Variants in GRIN2A observed in about 807,000 individuals in gnomAD.
GRIN2A encodes glutamate ionotropic receptor NMDA type subunit 2A.
In GRIN2A, 22 loss-of-function variants were observed where a neutral mutation model predicts 113.4. The ratio of observed to expected loss-of-function variants is 0.19; its 90% CI spans 0.14 to 0.28. The LOEUF is 0.28. GRIN2A is among the 10% of genes least tolerant of loss of function. The pLI, the probability that GRIN2A is intolerant of heterozygous loss-of-function variation, is 1.00. For missense variants in GRIN2A, 1,502 were observed against 1,887.0 expected (o/e 0.80, Z 3.78); for synonymous variants, 827 against 738.4 (o/e 1.12, Z -1.94).
At chr16:10,136,342 A>G (rs1334922645) in intron 2 of GRIN2A, among the ~76,000 whole-genome samples, 1 of 152,190 alleles carries the variant, frequency 6.6e-6, no homozygotes, top group East Asian at 1.9e-4. Flanking sequence ...CCAGCTAAAA[A>G]CAAGCTCAAA....
In GRIN2A at chr16:9,754,324, C is replaced by G. The variant is rs745750621; in HGVS notation, c.*8825G>C. On this transcript the variant is annotated 3_prime_UTR_variant, in exon 13 of 13. Coordinates refer to ENST00000330684, the MANE Select transcript of GRIN2A (RefSeq NM_001134407.3). ...ACTGGTAAAGAAATCTTTGGGGACC[C>G]TCAGGTTTGGAAGGCATCTGAGCCA... 4 of 205,878 alleles carry G rather than the reference C, an allele frequency of 1.9e-5. No homozygotes were observed. Among genetic ancestry groups the G allele is most frequent in the Non-Finnish European group, 4.0e-5 (4 of 100,764 alleles). The allele number at this position is 205,878 out of a possible 1,614,324, so 12.8% of individuals were successfully genotyped here.
chr16:9,920,741 G>T (rs1463410919), intron 3 of GRIN2A, among the ~76,000 whole-genome samples: 1 of 151,922 alleles, frequency 6.6e-6, no homozygotes, highest in South Asian at 2.1e-4. Context: ...TAATTTTTTT[G>T]TATTTTAGTA....
Position 9,938,320 on chromosome 16 carries a change from G to C in GRIN2A, c.646C>G (p.Gln216Glu). The C allele has an allele frequency of 6.2e-7, 1 of 1,613,822 alleles. No homozygotes were observed. Residue 216 changes from glutamine to glutamate, a missense_variant, in exon 3 of 13, where the codon CAA (glutamine) becomes GAA (glutamate). Physicochemically the swap from Gln to Glu is conservative, Grantham distance 29. This residue lies in a region of GRIN2A where 334 missense variants were observed against 403.0 expected (regional missense o/e 0.83). Transcript: ENST00000330684. ...LDTSFEDAKTQVQLKKIHSSV... is the reference protein window; with the variant it reads ...LDTSFEDAKTEVQLKKIHSSV... ...GAGTGGATCTTCTTCAGCTGGACTT[G>C]TGTCTTTGCATCCTCAAAGGAAGTG...
rs1266262488 is a variant in GRIN2A, at chr16:9,759,965, A to G, written c.*3184T>C. 3 of 231,186 alleles carry G rather than the reference A, an allele frequency of 1.3e-5. No individual in the cohort carries two copies. Among genetic ancestry groups the G allele is most frequent in the Non-Finnish European group, 2.6e-5 (3 of 116,840 alleles). The allele number at this position is 231,186 out of a possible 1,614,324, so 14.3% of individuals were successfully genotyped here. The stretch of plus-strand genomic sequence containing the variant: ...TGGTTGCATGTGCGTGCTATTACCC[A>G]TGGACAGAGACCCAACCGTTTGCAT... On this transcript the variant is annotated 3_prime_UTR_variant, in exon 13 of 13. Transcript: ENST00000330684.
chr16:9,965,344 C>CA (rs1341143805), intron 2 of GRIN2A, among the ~76,000 whole-genome samples: 3 of 152,118 alleles, frequency 2.0e-5, no homozygotes, highest in African/African-American at 7.2e-5. Flanking sequence ...TAACCATTTG[C>CA]AAAAAATTCC....
At chr16:9,936,834 A>G (rs1319468584) in intron 3 of GRIN2A, among the ~76,000 whole-genome samples, 2 of 152,198 alleles carry the variant, frequency 1.3e-5, no homozygotes, top group African/African-American at 4.8e-5. Flanking sequence ...AGTTTCCCCA[A>G]AGCGTAACAT....
At chr16:10,005,423 C>A (rs560901112) in intron 2 of GRIN2A, among the ~76,000 whole-genome samples, 1 of 152,130 alleles carries the variant, frequency 6.6e-6, no homozygotes, top group Admixed American at 6.5e-5. Context: ...TGCTATTTTT[C>A]AATCCAAAGG....
intron 2 of GRIN2A, among the ~76,000 whole-genome samples, chr16:10,091,035 G>A (rs2048174768): frequency 6.6e-6 from 1 of 152,114 alleles, no homozygotes; most frequent in Admixed American, 6.5e-5. Flanking sequence ...TGGAAAATAT[G>A]GACAACACCA....
At chr16:10,173,270 C>G (rs1397950300) in intron 2 of GRIN2A, among the ~76,000 whole-genome samples, 2 of 152,208 alleles carry the variant, frequency 1.3e-5, no homozygotes, top group African/African-American at 2.4e-5. Context: ...TGCGTCTGCC[C>G]TTTTCGAGAG....
At chr16:9,940,777 C>T (rs1435769988) in intron 2 of GRIN2A, among the ~76,000 whole-genome samples, 1 of 152,166 alleles carries the variant, frequency 6.6e-6, no homozygotes, top group African/African-American at 2.4e-5. Context: ...ATCCAATACC[C>T]AACCTATATC....
intron 2 of GRIN2A, among the ~76,000 whole-genome samples, chr16:9,958,899 C>T (rs1292498297): frequency 6.6e-6 from 1 of 152,118 alleles, no homozygotes; most frequent in Non-Finnish European, 1.5e-5. Flanking sequence ...CAGAAGGTGC[C>T]AGTGAATATT....
At chr16:10,003,486 G>A (rs1051420329) in intron 2 of GRIN2A, among the ~76,000 whole-genome samples, 2 of 152,268 alleles carry the variant, frequency 1.3e-5, no homozygotes, top group African/African-American at 4.8e-5. Context: ...GAACAGAGAT[G>A]ACCATGGTAT....
intron 2 of GRIN2A, among the ~76,000 whole-genome samples, chr16:10,022,801 G>A (rs1251608537): frequency 3.9e-5 from 6 of 152,104 alleles, no homozygotes; most frequent in Non-Finnish European, 8.8e-5. Context: ...ATAAGACCCC[G>A]TTTCTTTTGA....
At chr16:10,176,409 C>T (rs1348484827) in intron 2 of GRIN2A, among the ~76,000 whole-genome samples, 3 of 152,190 alleles carry the variant, frequency 2.0e-5, no homozygotes, top group Non-Finnish European at 4.4e-5. Context: ...AAATCCACCA[C>T]ATTTGCATGA....
At chr16:10,013,066 G>A (rs762212290) in intron 2 of GRIN2A, among the ~76,000 whole-genome samples, 5 of 151,940 alleles carry the variant, frequency 3.3e-5, no homozygotes, top group Non-Finnish European at 7.4e-5. Flanking sequence ...TTAATACCTG[G>A]GAGAGGAAAT....
intron 2 of GRIN2A, chr16:10,111,794 G>T: frequency 2.8e-6 from 4 of 1,415,482 alleles, no homozygotes; most frequent in Non-Finnish European, 4.0e-6. Flanking sequence ...ATCCGGCATG[G>T]CTTCTCTTGC....
At chr16:9,924,839 G>A (rs1195194412) in intron 3 of GRIN2A, among the ~76,000 whole-genome samples, 1 of 152,036 alleles carries the variant, frequency 6.6e-6, no homozygotes, top group Non-Finnish European at 1.5e-5. Context: ...ATGCATTGTA[G>A]ATTTTATATC....
chr16:9,809,557 T>C (rs912619029), intron 10 of GRIN2A, among the ~76,000 whole-genome samples: 3 of 152,174 alleles, frequency 2.0e-5, no homozygotes, highest in African/African-American at 7.2e-5. Flanking sequence ...TTTCATTTTT[T>C]TTTTTTTACA....
At chr16:9,774,608 A>T (rs1901487929) in intron 11 of GRIN2A, among the ~76,000 whole-genome samples, 1 of 152,260 alleles carries the variant, frequency 6.6e-6, no homozygotes, top group Non-Finnish European at 1.5e-5. Flanking sequence ...ACTCATGTAA[A>T]CTTAATATGG....
Sources: gnomAD v4.1 joint callset for allele counts (sites outside exome capture counted in the v4.1 genomes callset) on GRCh38, gnomAD v4.1.1 for gene constraint, gnomAD v4.1.1 regional missense constraint, MANE v1.5 for transcripts, NCBI Gene and HGNC (gene_info 2026-07-23, HGNC 2026-07-21) for gene names.